The following ROBO2 variants were observed in gnomAD, a reference collection of about 807,000 sequenced individuals.
ROBO2 encodes the protein roundabout guidance receptor 2, also known as roundabout homolog 2.
In ROBO2, 53 loss-of-function variants were observed where a neutral mutation model predicts 160.8. The ratio of observed to expected loss-of-function variants is 0.33; its 90% CI spans 0.26 to 0.41. ROBO2 has a LOEUF of 0.41. Among genes scored for constraint, ROBO2 ranks in the 10% least tolerant of loss-of-function variants. The probability of loss-of-function intolerance (pLI) is 1.00; values close to 1 mark genes in which losing one functional copy is unlikely to be tolerated. For missense variants in ROBO2, 1,577 were observed against 1,722.4 expected (o/e 0.92, Z 1.49); for synonymous variants, 664 against 611.7 (o/e 1.09, Z -1.26).
chr3:76,835,392 A>G (rs570816530), intron 2 of ROBO2, among the ~76,000 whole-genome samples: 1 of 147,896 alleles, frequency 6.8e-6, no homozygotes, highest in East Asian at 2.0e-4. Flanking sequence ...CATTATATGT[A>G]TTATATATAA....
chr3:77,547,734 G>A (rs570596278), intron 7 of ROBO2, among the ~76,000 whole-genome samples: 3 of 152,016 alleles, frequency 2.0e-5, no homozygotes, highest in East Asian at 1.9e-4. Flanking sequence ...GAATGTAAAC[G>A]TAGTGACGGG....
intron 2 of ROBO2, among the ~76,000 whole-genome samples, chr3:76,765,313 GA>G (rs2108432035): frequency 6.6e-6 from 1 of 151,752 alleles, no homozygotes; most frequent in South Asian, 2.1e-4. Flanking sequence ...GAAAACATGG[GA>G]AAAACTTTTC....
At chr3:76,989,315 A>G (rs2060544288) in intron 2 of ROBO2, among the ~76,000 whole-genome samples, 1 of 152,186 alleles carries the variant, frequency 6.6e-6, no homozygotes, top group Non-Finnish European at 1.5e-5. Flanking sequence ...ACATAAACTG[A>G]TGAATGAAAC....
intron 2 of ROBO2, among the ~76,000 whole-genome samples, chr3:77,322,228 G>GT (rs1461318705): frequency 6.6e-6 from 1 of 152,154 alleles, no homozygotes; most frequent in African/African-American, 2.4e-5. Flanking sequence ...ATGAAATGAT[G>GT]TTTTTGTGCT....
intron 2 of ROBO2, among the ~76,000 whole-genome samples, chr3:76,421,254 T>A (rs2108925895): frequency 1.3e-5 from 2 of 152,280 alleles, no homozygotes; most frequent in African/African-American, 4.8e-5. Context: ...ACCAGCAATA[T>A]TTGGGTAGAT....
At chr3:76,177,642 A>T (rs2073277629) in intron 2 of ROBO2, among the ~76,000 whole-genome samples, 1 of 151,916 alleles carries the variant, frequency 6.6e-6, no homozygotes, top group South Asian at 2.1e-4. Flanking sequence ...AACTAAGGAG[A>T]TGTTCTATTT....
exon 13 of ROBO2, chr3:77,568,407 T>G (rs61731263): frequency 1.2e-6 from 2 of 1,612,814 alleles, no homozygotes; most frequent in African/African-American, 2.7e-5. Context: ...TTGTGCTGAC[T>G]CCCACCACGG....
chr3:76,037,942 T>C (rs1489915337), intron 2 of ROBO2, among the ~76,000 whole-genome samples: 1 of 152,014 alleles, frequency 6.6e-6, no homozygotes, highest in African/African-American at 2.4e-5. Flanking sequence ...GAGAGGAACT[T>C]AAGGAAGAAA....
At chr3:76,857,946 T>TA (rs1440808064) in intron 2 of ROBO2, among the ~76,000 whole-genome samples, 10 of 152,074 alleles carry the variant, frequency 6.6e-5, no homozygotes, top group African/African-American at 2.4e-4. Context: ...AGTTCCCGAT[T>TA]CCCTCTTCCT....
intron 2 of ROBO2, among the ~76,000 whole-genome samples, chr3:76,975,275 C>T (rs775081528): frequency 4.6e-5 from 7 of 152,036 alleles, no homozygotes; most frequent in Non-Finnish European, 8.8e-5. Context: ...GAGGCTGAGG[C>T]GGGCAGATTA....
chr3:76,710,623 G>A (rs2093272861), intron 2 of ROBO2, among the ~76,000 whole-genome samples: 1 of 152,168 alleles, frequency 6.6e-6, no homozygotes, highest in South Asian at 2.1e-4. Flanking sequence ...GAAGTAACTC[G>A]TCAAGGTAGG....
At chr3:76,926,003 A>G (rs2076968389) in intron 2 of ROBO2, among the ~76,000 whole-genome samples, 1 of 152,142 alleles carries the variant, frequency 6.6e-6, no homozygotes, top group Non-Finnish European at 1.5e-5. Flanking sequence ...CATGCTACCA[A>G]TTGGTTTTGA....
intron 2 of ROBO2, among the ~76,000 whole-genome samples, chr3:77,262,517 C>T (rs2153338183): frequency 6.6e-6 from 1 of 152,136 alleles, no homozygotes; most frequent in East Asian, 1.9e-4. Flanking sequence ...AGCTATACAT[C>T]CTTGTAAGTA....
chr3:76,937,145 A>G (rs9859240), intron 2 of ROBO2, among the ~76,000 whole-genome samples: 63,213 of 151,926 alleles, frequency 0.42, 13,288 homozygotes, highest in South Asian at 0.49. Context: ...TGTCACGTTT[A>G]ATCTTTGTAA....
chr3:76,921,863 C>T (rs748372232), intron 2 of ROBO2, among the ~76,000 whole-genome samples: 33 of 152,126 alleles, frequency 2.2e-4, no homozygotes, highest in Non-Finnish European at 1.3e-4. Flanking sequence ...ATTATGTGAG[C>T]TTGTATAATT....
intron 2 of ROBO2, among the ~76,000 whole-genome samples, chr3:76,753,203 A>G (rs1395256347): frequency 6.6e-6 from 1 of 151,934 alleles, no homozygotes; most frequent in East Asian, 1.9e-4. Flanking sequence ...ATATAAGCAC[A>G]GAATTATTTC....
intron 2 of ROBO2, among the ~76,000 whole-genome samples, chr3:77,100,699 C>T (rs550874590): frequency 1.7e-4 from 26 of 152,194 alleles, no homozygotes; most frequent in Non-Finnish European, 3.1e-4. Context: ...AAAGAGCTCA[C>T]ATTCTAGTTG....
chr3:77,168,445 G>T (rs192534028), intron 2 of ROBO2, among the ~76,000 whole-genome samples: 5 of 152,244 alleles, frequency 3.3e-5, no homozygotes, highest in Admixed American at 3.3e-4. Context: ...CTAGCAGGAA[G>T]AATAGGAAAT....
At chr3:76,413,651 T>G (rs920608751) in intron 2 of ROBO2, among the ~76,000 whole-genome samples, 2 of 152,170 alleles carry the variant, frequency 1.3e-5, no homozygotes, top group Non-Finnish European at 2.9e-5. Flanking sequence ...GTTTCTCATC[T>G]CCATCTGAGA....
Sources: allele counts gnomAD v4.1 joint callset (sites outside exome capture counted in the v4.1 genomes callset), GRCh38; gene constraint gnomAD v4.1.1; transcripts MANE v1.5; gene names NCBI Gene and HGNC (gene_info 2026-07-23, HGNC 2026-07-21).